Variants in SRGAP1 observed in about 807,000 individuals in gnomAD.
The protein encoded by SRGAP1 is SLIT-ROBO Rho GTPase activating protein 1, also known as SLIT-ROBO Rho GTPase-activating protein 1.
Under a neutral mutation model 121.9 loss-of-function variants are expected in SRGAP1, and 43 were observed. That is an observed-to-expected ratio of 0.35 (90% CI 0.28 to 0.46). The LOEUF (loss-of-function observed/expected upper bound fraction) is 0.46. Among genes scored for constraint, SRGAP1 ranks in the 20% least tolerant of loss-of-function variants. The probability of loss-of-function intolerance (pLI) is 1.00; values close to 1 mark genes in which losing one functional copy is unlikely to be tolerated. For synonymous variants in SRGAP1, 447 were observed against 485.4 expected (o/e 0.92, Z 1.04); for missense variants, 1,102 against 1,350.9 (o/e 0.82, Z 2.89).
At chr12:64,014,174 A>T (rs1333916002) in intron 3 of SRGAP1, among the ~76,000 whole-genome samples, 1 of 152,222 alleles carries the variant, frequency 6.6e-6, no homozygotes, top group Non-Finnish European at 1.5e-5. Flanking sequence ...AAACTGAGGC[A>T]TAGGCAGATC....
At chr12:63,880,729 T>A (rs1040904468) in intron 1 of SRGAP1, among the ~76,000 whole-genome samples, 7 of 152,118 alleles carry the variant, frequency 4.6e-5, no homozygotes, top group Non-Finnish European at 8.8e-5. Context: ...CCCATTACCT[T>A]TATGAATCCA....
chr12:64,023,373 G>A (rs1466826128), intron 4 of SRGAP1, among the ~76,000 whole-genome samples: 1 of 152,018 alleles, frequency 6.6e-6, no homozygotes, highest in Non-Finnish European at 1.5e-5. Flanking sequence ...TGCCTTCATC[G>A]GCCCAGTAAA....
At chr12:63,916,775 C>A (rs558638123) in intron 1 of SRGAP1, among the ~76,000 whole-genome samples, 1 of 152,112 alleles carries the variant, frequency 6.6e-6, no homozygotes, top group African/African-American at 2.4e-5. Context: ...GTCTGGGAAT[C>A]GCATGCAGGC....
chr12:64,142,419 C>T lies in SRGAP1; in HGVS notation c.3005C>T (p.Pro1002Leu), dbSNP rs748466570. ...GAGCAAGTGAAAAACTCTCCCACCC[C>T]TGCCACTTCCACGGAATCTCTCAGC... is the stretch of plus-strand genomic sequence containing the variant. ...TLEQVKNSPTPATSTESLSPL... is the reference protein window; with the variant it reads ...TLEQVKNSPTLATSTESLSPL... The change falls in exon 22 of 22, where the codon CCT becomes CTT. Residue 1002 changes from proline (P) to leucine (L), a missense_variant. Pro to Leu is a moderately conservative substitution (Grantham distance 98). This residue lies in a region of SRGAP1 where 315 missense variants were observed against 343.1 expected (regional missense o/e 0.92). Transcript: ENST00000355086. The T allele has an allele frequency of 6.2e-7, 1 of 1,614,166 alleles. No individual in the cohort carries two copies. The highest frequency in any genetic ancestry group is 8.5e-7 in the Non-Finnish European group (1 of 1,180,052).
intron 1 of SRGAP1, among the ~76,000 whole-genome samples, chr12:63,874,711 A>G (rs1412680440): frequency 1.3e-5 from 2 of 152,134 alleles, no homozygotes; most frequent in African/African-American, 4.8e-5. Flanking sequence ...TAGTACAATG[A>G]TGATTAAATG....
At chr12:64,028,312 A>G (rs1399537578) in intron 4 of SRGAP1, among the ~76,000 whole-genome samples, 1 of 152,250 alleles carries the variant, frequency 6.6e-6, no homozygotes, top group African/African-American at 2.4e-5. Context: ...AACTTTCTGA[A>G]TGACCTTCTC....
Position 64,148,933 on chromosome 12 carries a change from T to A in SRGAP1, c.*6261T>A, listed in dbSNP as rs1207288677. The A allele has an allele frequency of 6.6e-6, 1 of 152,206 alleles. No homozygotes were observed. The highest frequency in any genetic ancestry group is 1.5e-5 in the Non-Finnish European group (1 of 68,040). The allele number at this position is 152,206 out of a possible 1,614,324, so 9.4% of individuals were successfully genotyped here. A position where few individuals can be genotyped will look rare whatever the true frequency, so the allele number is the denominator to read the frequency against. ...CCATGGTGTAGTTTTGCCTGTCATC[T>A]TAGCTTTCTATAAATGGGTTCATAC... is the stretch of plus-strand genomic sequence containing the variant. On this transcript the variant is annotated 3_prime_UTR_variant, in exon 22 of 22. Coordinates refer to ENST00000355086, the MANE Select transcript of SRGAP1 (RefSeq NM_020762.4).
chr12:63,974,959 C>A (rs1335781721), intron 1 of SRGAP1, among the ~76,000 whole-genome samples: 1 of 152,178 alleles, frequency 6.6e-6, no homozygotes, highest in African/African-American at 2.4e-5. Context: ...GTGATGATGA[C>A]CCCCAAGTGG....
chr12:64,083,375 C>T (rs912538214), intron 10 of SRGAP1, among the ~76,000 whole-genome samples: 1 of 152,220 alleles, frequency 6.6e-6, no homozygotes, highest in Non-Finnish European at 1.5e-5. Flanking sequence ...ACAGCTGAAT[C>T]TGTAACTACA....
intron 1 of SRGAP1, chr12:63,879,596 TAAAC>T (rs1900129694): frequency 6.6e-6 from 1 of 152,190 alleles, no homozygotes; most frequent in Non-Finnish European, 1.5e-5. Flanking sequence ...GGACTGGTAA[TAAAC>T]AATTGGCAAA....
At chr12:64,033,580 T>G (rs966555583) in intron 4 of SRGAP1, among the ~76,000 whole-genome samples, 2 of 151,762 alleles carry the variant, frequency 1.3e-5, no homozygotes, top group Non-Finnish European at 2.9e-5. Context: ...TAGCCCAGCA[T>G]GGTGGCGAAT....
chr12:63,979,521 A>G (rs2136402551), intron 1 of SRGAP1, among the ~76,000 whole-genome samples: 1 of 151,248 alleles, frequency 6.6e-6, no homozygotes, highest in African/African-American at 2.4e-5. Context: ...CCTTCAATGC[A>G]TTATGTTTTC....
intron 1 of SRGAP1, among the ~76,000 whole-genome samples, chr12:63,951,989 T>C (rs1173146312): frequency 6.6e-6 from 1 of 152,178 alleles, no homozygotes; most frequent in African/African-American, 2.4e-5. Context: ...TTTTAAAATA[T>C]GTAATAGAGA....
rs369993745 is a variant in SRGAP1 at position 64,098,996 on chromosome 12, A to G, written c.1813+1621A>G. ...TCACTTTCTCCTCTCCCATTATTCT[A>G]TTGGGTACGTATGTCCAGAATTTTT... On this transcript the variant is annotated intron_variant, in intron 15 of 21. Coordinates refer to ENST00000355086, the MANE Select transcript of SRGAP1 (RefSeq NM_020762.4). Among the ~76,000 whole-genome samples the G allele has an allele frequency of 3.6e-3, 551 of 152,260 alleles. 3 individuals carry two copies. The highest frequency in any genetic ancestry group is 0.013 in the African/African-American group (537 of 41,560).
rs2037077246 is a variant in SRGAP1 at position 64,147,792 on chromosome 12, T to C, written c.*5120T>C. 1 of 397,572 alleles carries C rather than the reference T, an allele frequency of 2.5e-6. No homozygotes were observed. 24.6% of individuals were successfully genotyped at this position (397,572 alleles called of 1,614,324 possible). A position where few individuals can be genotyped will look rare whatever the true frequency, so the allele number is the denominator to read the frequency against. ...AGGCTTCAGTATACAGTCAGGTTTG[T>C]TCTTCACGGTGTATCTTTATAATAA... On this transcript the variant is annotated 3_prime_UTR_variant, in exon 22 of 22. Transcript: ENST00000355086.
chr12:64,125,528 T>C (rs1189606581), intron 18 of SRGAP1, among the ~76,000 whole-genome samples: 1 of 152,212 alleles, frequency 6.6e-6, no homozygotes, highest in African/African-American at 2.4e-5. Flanking sequence ...AACTTCCTAA[T>C]GTTCTGAGAT....
At chr12:63,936,470 C>T (rs1203838063) in intron 1 of SRGAP1, among the ~76,000 whole-genome samples, 2 of 152,104 alleles carry the variant, frequency 1.3e-5, no homozygotes, top group African/African-American at 4.8e-5. Context: ...GGGACATGTG[C>T]TCAGGTGCTT....
At chr12:64,124,166 C>T (rs780450679) in intron 18 of SRGAP1, among the ~76,000 whole-genome samples, 4 of 152,160 alleles carry the variant, frequency 2.6e-5, no homozygotes, top group African/African-American at 4.8e-5. Flanking sequence ...GAAGCCTAAG[C>T]TTTTTAATAT....
chr12:64,025,812 C>A (rs974269249), intron 4 of SRGAP1, among the ~76,000 whole-genome samples: 3 of 152,142 alleles, frequency 2.0e-5, no homozygotes, highest in African/African-American at 7.2e-5. Flanking sequence ...CTAATCTTGG[C>A]CTTGACGCAC....
Sources: gnomAD v4.1 joint callset for allele counts (sites outside exome capture counted in the v4.1 genomes callset) on GRCh38, gnomAD v4.1.1 for gene constraint, gnomAD v4.1.1 regional missense constraint, MANE v1.5 for transcripts, NCBI Gene and HGNC (gene_info 2026-07-23, HGNC 2026-07-21) for gene names.